Variants in TMEM245 observed in about 807,000 individuals in gnomAD.
The protein encoded by TMEM245 is protein CG-2.
TMEM245 carries 69 observed loss-of-function variants against 101.2 expected under a neutral mutation model. That is an observed-to-expected ratio of 0.68 (90% CI 0.56 to 0.83). The LOEUF (loss-of-function observed/expected upper bound fraction) is 0.83, where lower values mean the gene tolerates loss of function less well. Ranked by LOEUF, TMEM245 falls within the 40% of genes least tolerant of loss-of-function variation. TMEM245 has a pLI of 0.00. For missense variants in TMEM245, 1,075 were observed against 1,092.8 expected, an observed-to-expected ratio of 0.98 and a Z score of 0.23; for synonymous variants, 537 against 449.8, an observed-to-expected ratio of 1.19 and a Z score of -2.45.
intron 12 of TMEM245, among the ~76,000 whole-genome samples, chr9:109,053,381 C>G (rs553211451): frequency 6.6e-6 from 1 of 152,182 alleles, no homozygotes; most frequent in Admixed American, 6.5e-5. Context: ...GAGCTGGGAT[C>G]GTGCCACTGT....
chr9:109,083,916 A>AAAAAAAAACAAAC, intron 7 of TMEM245, among the ~76,000 whole-genome samples: 1 of 132,584 alleles, frequency 7.5e-6, no homozygotes, highest in Admixed American at 8.7e-5. Flanking sequence ...AAAAAAAAAA[A>AAAAAAAAACAAAC]AAAAAAAAAA....
chr9:109,118,328 A>G (rs892563135), intron 1 of TMEM245, among the ~76,000 whole-genome samples: 1 of 152,244 alleles, frequency 6.6e-6, no homozygotes, highest in Non-Finnish European at 1.5e-5. Context: ...ATATTTTCCA[A>G]CTTAATGACG....
At chr9:109,106,227 A>AAAATAAAATAAAAATATTTTATTTTATAC (rs1830418225) in intron 3 of TMEM245, among the ~76,000 whole-genome samples, 1 of 151,896 alleles carries the variant, frequency 6.6e-6, no homozygotes. Flanking sequence ...TTGTCACTAA[A>AAAATAAAATAAAAATATTTTATTTTATAC]AAATAAAATA....
intron 12 of TMEM245, among the ~76,000 whole-genome samples, chr9:109,052,401 G>A (rs1206711547): frequency 6.6e-6 from 1 of 152,190 alleles, no homozygotes; most frequent in Admixed American, 6.5e-5. Context: ...AATGTTGTGG[G>A]GCAGAACTCA....
intron 5 of TMEM245, 27 bp from the exon 6 acceptor site, chr9:109,087,369 TA>T: frequency 1.3e-6 from 2 of 1,557,764 alleles, no homozygotes; most frequent in Non-Finnish European, 1.7e-6. Context: ...AATACATATA[TA>T]AACAAAATAT....
At chr9:109,071,603 CA>C (rs202086560) in intron 9 of TMEM245, among the ~76,000 whole-genome samples, 231 of 124,138 alleles carry the variant, frequency 1.9e-3, no homozygotes, top group South Asian at 2.4e-3. Flanking sequence ...GACCCTGTCT[CA>C]AAAAAAAAAA....
chr9:109,085,241 G>A (rs1030007118), intron 7 of TMEM245, among the ~76,000 whole-genome samples: 2 of 152,156 alleles, frequency 1.3e-5, no homozygotes, highest in African/African-American at 4.8e-5. Context: ...GGGTAGTTAG[G>A]ACTACAAGTG....
At chr9:109,068,954 T>C (rs1332818121) in intron 9 of TMEM245, among the ~76,000 whole-genome samples, 3 of 152,174 alleles carry the variant, frequency 2.0e-5, no homozygotes, top group Non-Finnish European at 2.9e-5. Context: ...AGTGTGTTGA[T>C]AGCTGACATG....
chr9:109,093,759 T>C (rs527566496), intron 3 of TMEM245, among the ~76,000 whole-genome samples, 168 bp from the exon 4 acceptor site: 90 of 152,290 alleles, frequency 5.9e-4, no homozygotes, highest in African/African-American at 2.0e-3. Flanking sequence ...GACATGAAAG[T>C]GTGCTAAAAA....
At chr9:109,110,415 G>T (rs895249444) in intron 1 of TMEM245, among the ~76,000 whole-genome samples, 2 of 152,098 alleles carry the variant, frequency 1.3e-5, no homozygotes, top group Non-Finnish European at 2.9e-5. Context: ...ACAGAGGCAG[G>T]ATTAGAACCC....
At chr9:109,029,493 A>G (rs551634025) in intron 17 of TMEM245, among the ~76,000 whole-genome samples, 3 of 152,236 alleles carry the variant, frequency 2.0e-5, no homozygotes, top group Non-Finnish European at 4.4e-5. Flanking sequence ...TAAATGTTAA[A>G]GAAAAAATTT....
chr9:109,023,977 G>C (rs555758724), intron 17 of TMEM245, among the ~76,000 whole-genome samples: 1 of 151,988 alleles, frequency 6.6e-6, no homozygotes, highest in African/African-American at 2.4e-5. Context: ...ACTGTTCCTT[G>C]CTCTTTGAAA....
chr9:109,058,649 C>T lies in TMEM245; in HGVS notation c.1723-1327G>A, dbSNP rs1157817620. Among the ~76,000 whole-genome samples the T allele has an allele frequency of 7.2e-5, 11 of 152,132 alleles. 1 individual carries two copies. Among genetic ancestry groups the T allele is most frequent in the Non-Finnish European group, 1.6e-4 (11 of 68,022 alleles). ...AGACAGCGTCTTGCTTGCCCTGTCA[C>T]CAGGCTGCACTGGAGTGCAATGGTG... is the stretch of plus-strand genomic sequence containing the variant. On this transcript the variant is annotated intron_variant, in intron 11 of 17. Transcript: ENST00000374586.
At chr9:109,114,664 A>G (rs1248055772) in intron 1 of TMEM245, among the ~76,000 whole-genome samples, 1 of 152,226 alleles carries the variant, frequency 6.6e-6, no homozygotes, top group East Asian at 1.9e-4. Flanking sequence ...TACTACTGCA[A>G]AAAACTAAAT....
At chr9:109,029,705 G>A (rs1417804561) in intron 17 of TMEM245, among the ~76,000 whole-genome samples, 4 of 152,162 alleles carry the variant, frequency 2.6e-5, no homozygotes, top group Admixed American at 6.5e-5. Context: ...TCCAATGCAA[G>A]GGAGAGTTGA....
rs1018407473 is a variant in TMEM245, at chr9:109,016,224, T to C, written c.*4236A>G. On this transcript the variant is annotated 3_prime_UTR_variant, in exon 18 of 18. Transcript: ENST00000374586. ...TGTGTAATAGCATGTTCAAAACTCT[T>C]AGAAGTCCTACAGTAAGGAAACAAA... is the stretch of plus-strand genomic sequence containing the variant. The C allele has an allele frequency of 1.3e-5, 2 of 152,386 alleles. No individual in the cohort carries two copies. The highest frequency in any genetic ancestry group is 2.4e-5 in the African/African-American group (1 of 41,448). The allele number at this position is 152,386 out of a possible 1,614,324, so 9.4% of individuals were successfully genotyped here.
rs1258824774 is a variant in TMEM245, at chr9:109,119,476, G to C, written c.438C>G (p.Arg146=). 1 of 1,488,078 alleles carries C rather than the reference G, an allele frequency of 6.7e-7. No individual in the cohort carries two copies. Among genetic ancestry groups the C allele is most frequent in the Non-Finnish European group, 8.9e-7 (1 of 1,129,580 alleles). The allele number at this position is 1,488,078 out of a possible 1,614,324, so 92.2% of individuals were successfully genotyped here. A position where few individuals can be genotyped will look rare whatever the true frequency, so the allele number is the denominator to read the frequency against. The change falls in exon 1 of 18, where the codon CGC becomes CGG. Residue 146 remains arginine (R), a synonymous_variant. Coordinates refer to ENST00000374586, the MANE Select transcript of TMEM245 (RefSeq NM_032012.4). ...EALGEQALRR[R]RLLLLLGAGG... Reference sequence around the variant, plus strand: ...CGGCGCCGAGCAGCAGGAGCAGGCGGCGGCGGCGCAGCGCCTGCTCGCCCA... The same window carrying C: ...CGGCGCCGAGCAGCAGGAGCAGGCGCCGGCGGCGCAGCGCCTGCTCGCCCA...
intron 9 of TMEM245, among the ~76,000 whole-genome samples, chr9:109,072,749 T>C (rs1044236791): frequency 6.6e-6 from 1 of 152,226 alleles, no homozygotes; most frequent in African/African-American, 2.4e-5. Flanking sequence ...TGTACACCTG[T>C]AGTCTCAGCT....
At chr9:109,086,598 G>C (rs752550747) in intron 6 of TMEM245, among the ~76,000 whole-genome samples, 7 of 152,258 alleles carry the variant, frequency 4.6e-5, no homozygotes, top group Non-Finnish European at 8.8e-5. Flanking sequence ...TACAAGGTAG[G>C]TGCTATTGTA....
Sources: gnomAD v4.1 joint callset for allele counts (sites outside exome capture counted in the v4.1 genomes callset) on GRCh38, gnomAD v4.1.1 for gene constraint, MANE v1.5 for transcripts, NCBI Gene and HGNC (gene_info 2026-07-23, HGNC 2026-07-21) for gene names.